HSPA5: variants seen among roughly 807,000 people sequenced by gnomAD.
HSPA5 encodes the protein heat shock protein family A (Hsp70) member 5.
Under a neutral mutation model 49.5 loss-of-function variants are expected in HSPA5, and 16 were observed. The observed-to-expected ratio is 0.32, with a 90% CI of 0.22 to 0.49. The LOEUF is 0.49. Among genes scored for constraint, HSPA5 ranks in the 20% least tolerant of loss-of-function variants. HSPA5 has a pLI of 0.99. For synonymous variants in HSPA5, 271 were observed against 307.2 expected (o/e 0.88, Z 1.23); for missense variants, 376 against 819.0 (o/e 0.46, Z 6.60).
chr9:125,236,737 C>T lies in HSPA5; in HGVS notation c.1820G>A (p.Ser607Asn). 2.5e-6 allele frequency: 4 copies of T among 1,613,900 alleles called. No homozygotes were observed. The highest frequency in any genetic ancestry group is 3.4e-6 in the Non-Finnish European group (4 of 1,179,838). The change falls in exon 8 of 8, where the codon AGC (serine) becomes AAC (asparagine). Residue 607 changes from serine to asparagine, a missense_variant. By Grantham distance (46) the Ser-to-Asn change is conservative (BLOSUM62 1). Around this residue, in one of 8 missense-constraint regions of HSPA5, gnomAD observed 72 missense variants for 87.8 expected, o/e 0.82. Coordinates refer to ENST00000324460, the MANE Select transcript of HSPA5 (RefSeq NM_005347.5). ...GTCTTCAATGTCAGCATCTTGGTGG[C>T]TTTCCAGCCATTCAATCTTTTCTTC... The part of the protein sequence containing the change: ...AVEEKIEWLE[S>N]HQDADIEDFK...
At position 125,240,164 on chromosome 9, in the gene HSPA5, A is replaced by C; in HGVS notation, c.492+8T>G. 6.3e-7 allele frequency: 1 copy of C among 1,589,692 alleles called. No homozygotes were observed. On this transcript the variant is annotated splice_region_variant and intron_variant, in intron 3 of 7. Coordinates refer to ENST00000324460, the MANE Select transcript of HSPA5 (RefSeq NM_005347.5). The surrounding 1 kb of genome is among the most constrained non-coding windows in gnomAD (Gnocchi z 4.4). ...AAAAATACTTAACATTGTTCTAGAA[A>C]TATTTACCTTCTTTCCCAAATAAGC...
chr9:125,238,702 C>A lies in HSPA5; in HGVS notation c.1122G>T (p.Leu374=), dbSNP rs147872079. 1.2e-5 allele frequency: 20 copies of A among 1,614,046 alleles called. No individual in the cohort carries two copies. The highest frequency in any genetic ancestry group is 1.7e-5 in the Non-Finnish European group (20 of 1,180,042). ...GSTRIPKIQQ[L]VKEFFNGKEP... ...CCTTGCCATTGAAGAACTCTTTAACCAGTTGCTGAATCTTTGGAATTCGAG... is the reference window on the plus strand; with the variant it reads ...CCTTGCCATTGAAGAACTCTTTAACAAGTTGCTGAATCTTTGGAATTCGAG... The change falls in exon 6 of 8, where the codon CTG becomes CTT. Residue 374 remains leucine (L), a synonymous_variant. Transcript: ENST00000324460.
At position 125,240,715 on chromosome 9, in the gene HSPA5, G is replaced by C; in HGVS notation, c.315C>G (p.Asp105Glu). 6.2e-7 allele frequency: 1 copy of C among 1,614,158 alleles called. No individual in the cohort carries two copies. The highest frequency in any genetic ancestry group is 8.5e-7 in the Non-Finnish European group (1 of 1,180,012). The part of the protein sequence containing the change: ...AKRLIGRTWN[D>E]PSVQQDIKFL... ...ACTTGATGTCCTGCTGCACAGACGG[G>C]TCATTCCACGTGCGGCCGATGAGCC... The change falls in exon 2 of 8, where the codon GAC becomes GAG. Residue 105 changes from aspartate (D) to glutamate (E), a missense_variant. Physicochemically the swap from Asp to Glu is conservative, Grantham distance 45 (BLOSUM62 2). Coordinates refer to ENST00000324460, the MANE Select transcript of HSPA5 (RefSeq NM_005347.5). The surrounding 1 kb of genome is among the most constrained non-coding windows in gnomAD (Gnocchi z 4.4).
rs371834018 is a variant in HSPA5, at chr9:125,238,356, C to A, written c.1235-48G>T. On this transcript the variant is annotated intron_variant, in intron 6 of 7. Transcript: ENST00000324460. ...TTTTAATTCAAGTTCTCCCTATGAGCTATGTAAAGTTTATCTCTCTAACAT... is the reference window on the plus strand; with the variant it reads ...TTTTAATTCAAGTTCTCCCTATGAGATATGTAAAGTTTATCTCTCTAACAT... 1.4e-5 allele frequency: 21 copies of A among 1,520,146 alleles called. No homozygotes were observed. The Admixed American group carries it at 2.2e-4, about 16-fold the overall frequency. The allele number at this position is 1,520,146 out of a possible 1,614,324, so 94.2% of individuals were successfully genotyped here. A position where few individuals can be genotyped will look rare whatever the true frequency, so the allele number is the denominator to read the frequency against.
Position 125,238,671 on chromosome 9 carries a change from A to T in HSPA5, c.1153T>A (p.Ser385Thr). ...VKEFFNGKEPSRGINPDEAVA... is the reference protein window; with the variant it reads ...VKEFFNGKEPTRGINPDEAVA... ...GCTTCATCTGGGTTTATGCCACGGG[A>T]TGGTTCCTTGCCATTGAAGAACTCT... Residue 385 changes from serine to threonine, a missense_variant, in exon 6 of 8, where the codon TCC (serine) becomes ACC (threonine). By Grantham distance (58) the Ser-to-Thr change is moderately conservative. This residue lies in a region of HSPA5 where 89 missense variants were observed against 155.9 expected (regional missense o/e 0.57). Coordinates refer to ENST00000324460, the MANE Select transcript of HSPA5 (RefSeq NM_005347.5). 6.2e-7 allele frequency: 1 copy of T among 1,614,170 alleles called. No individual in the cohort carries two copies. The highest frequency in any genetic ancestry group is 8.5e-7 in the Non-Finnish European group (1 of 1,180,038).
chr9:125,238,725 G>T lies in HSPA5; in HGVS notation c.1099C>A (p.Arg367=), dbSNP rs1486778485. 1 of 1,613,934 alleles carries T rather than the reference G, an allele frequency of 6.2e-7. No homozygotes were observed. The highest frequency in any genetic ancestry group is 8.5e-7 in the Non-Finnish European group (1 of 1,180,012). The stretch of plus-strand genomic sequence containing the variant: ...ACCAGTTGCTGAATCTTTGGAATTC[G>T]AGTCGAGCCACCAACAAGAACAATT... ...DEIVLVGGST[R]IPKIQQLVKE... is the part of the protein sequence containing the mutation. The change falls in exon 6 of 8, where the codon CGA becomes AGA. Residue 367 remains arginine, a synonymous_variant. Coordinates refer to ENST00000324460, the MANE Select transcript of HSPA5 (RefSeq NM_005347.5).
In HSPA5 at chr9:125,239,724, A is replaced by T. The variant is rs589306; in HGVS notation, c.493-191T>A. 0.083 allele frequency among the ~76,000 whole-genome samples: 9,540 copies of T among 115,508 alleles called. 370 individuals carry two copies. Among genetic ancestry groups the T allele is most frequent in the East Asian group, 0.19 (790 of 4,244 alleles). The allele number at this position is 115,508 out of a possible 152,430, so 75.8% of individuals were successfully genotyped here. ...AGAAACCCTGTCTCTACTGAAAATTAAAAAAAAAAAAAAAAATTAGCCAGG... is the reference window on the plus strand; with the variant it reads ...AGAAACCCTGTCTCTACTGAAAATTTAAAAAAAAAAAAAAAATTAGCCAGG... On this transcript the variant is annotated intron_variant, in intron 3 of 7. Coordinates refer to ENST00000324460, the MANE Select transcript of HSPA5 (RefSeq NM_005347.5). The surrounding 1 kb of genome is among the most constrained non-coding windows in gnomAD (Gnocchi z 5.5).
chr9:125,239,055 CT>C lies in HSPA5; in HGVS notation c.881del (p.Lys294ArgfsTer29). 6.2e-7 allele frequency: 1 copy of C among 1,614,178 alleles called. No individual in the cohort carries two copies. Among genetic ancestry groups the C allele is most frequent in the Non-Finnish European group, 8.5e-7 (1 of 1,180,032 alleles). ...GCTGAGAAGACAGGGCCCGTTTGGC[CT>C]TTTCTACCTCGCGCCGGAGTTTCTG... ...AVQKLRREVEKAKRALSSQHQ... is the reference protein window; with the variant it reads ...AVQKLRREVEXAKRALSSQHQ... On this transcript the variant is annotated frameshift_variant, in exon 5 of 8. Coordinates refer to ENST00000324460, the MANE Select transcript of HSPA5 (RefSeq NM_005347.5). LOFTEE classifies it high-confidence loss of function. This position sits in a 1 kb window ranked among gnomAD's most constrained non-coding sequence, Gnocchi z 5.5.
rs1832468582 is a variant in HSPA5 at position 125,235,065 on chromosome 9, G to C, written c.*1527C>G. The C allele has an allele frequency of 6.6e-6, 1 of 152,124 alleles. No individual in the cohort carries two copies. Among genetic ancestry groups the C allele is most frequent in the South Asian group, 2.1e-4 (1 of 4,828 alleles). The allele number at this position is 152,124 out of a possible 1,614,324, so 9.4% of individuals were successfully genotyped here. On this transcript the variant is annotated 3_prime_UTR_variant, in exon 8 of 8. Transcript: ENST00000324460. Reference sequence around the variant, plus strand: ...GAGACCAGTATTCTGCTCAGGGTCTGCCCAAATGCTTTTCGGGCAGTGCAG... The same window carrying C: ...GAGACCAGTATTCTGCTCAGGGTCTCCCCAAATGCTTTTCGGGCAGTGCAG...
Position 125,240,512 on chromosome 9 carries a change from GCAACTGTC to G in HSPA5, c.354+156_354+163del, listed in dbSNP as rs1564208111. 4.6e-5 allele frequency among the ~76,000 whole-genome samples: 7 copies of G among 152,312 alleles called. No individual in the cohort carries two copies. The East Asian group carries it at 9.6e-4, about 21-fold the overall frequency. On this transcript the variant is annotated intron_variant, in intron 2 of 7. Coordinates refer to ENST00000324460, the MANE Select transcript of HSPA5 (RefSeq NM_005347.5). This position sits in a 1 kb window ranked among gnomAD's most constrained non-coding sequence, Gnocchi z 4.4. ...CTAAACTATCGTAGACAGTACGACA[GCAACTGTC>G]TTAAGTTTTGTAACATACTAATAGT... is the stretch of plus-strand genomic sequence containing the variant.
At position 125,241,122 on chromosome 9, in the gene HSPA5, T is replaced by A. The variant is rs373628096; in HGVS notation, c.5A>T (p.Lys2Met). ...CAGCATCGCGGCCACCAGGGAGAGC[T>A]TCATCTTGCCAGCCAGTTGGGCAGC... M[K>M]LSLVAAMLLL... is the part of the protein sequence containing the mutation. The change falls in exon 1 of 8, where the codon AAG becomes ATG. Residue 2 changes from lysine to methionine, a missense_variant. Around this residue, in one of 8 missense-constraint regions of HSPA5, gnomAD observed 29 missense variants for 38.7 expected, o/e 0.75. Transcript: ENST00000324460. 5.0e-6 allele frequency: 8 copies of A among 1,610,984 alleles called. No homozygotes were observed. The highest frequency in any genetic ancestry group is 6.8e-6 in the Non-Finnish European group (8 of 1,179,016).
At position 125,239,420 on chromosome 9, in the gene HSPA5, C is replaced by A. The variant is rs780452886; in HGVS notation, c.605+1G>T. 6.2e-7 allele frequency: 1 copy of A among 1,613,876 alleles called. No homozygotes were observed. On this transcript the variant is annotated splice_donor_variant, in intron 4 of 7. Transcript: ENST00000324460. LOFTEE classifies it high-confidence loss of function. The surrounding 1 kb of genome is among the most constrained non-coding windows in gnomAD (Gnocchi z 5.5). ...GCCGTATCCCTGAATTTCATACTTA[C>A]GGCTCGTTGATGATCCTCATAACAT...
At chr9:125,237,858 T>C (rs1465554746) in intron 7 of HSPA5, among the ~76,000 whole-genome samples, 1 of 151,958 alleles carries the variant, frequency 6.6e-6, no homozygotes, top group Non-Finnish European at 1.5e-5. Flanking sequence ...TCCCAGCACT[T>C]TGGGAGGTGG....
rs771996571 is a variant in HSPA5, at chr9:125,240,634, A to G, written c.354+42T>C. 6.6e-7 allele frequency: 1 copy of G among 1,517,894 alleles called. No individual in the cohort carries two copies. The highest frequency in any genetic ancestry group is 9.1e-7 in the Non-Finnish European group (1 of 1,094,236). The allele number at this position is 1,517,894 out of a possible 1,614,324, so 94.0% of individuals were successfully genotyped here. A position where few individuals can be genotyped will look rare whatever the true frequency, so the allele number is the denominator to read the frequency against. On this transcript the variant is annotated intron_variant, in intron 2 of 7. Transcript: ENST00000324460. The surrounding 1 kb of genome is among the most constrained non-coding windows in gnomAD (Gnocchi z 4.4). ...ACTTATAACTCTAAATACTCCCACC[A>G]CCCACCCGTTCTCTAACTGGATGAG...
At position 125,240,815 on chromosome 9, in the gene HSPA5, C is replaced by T; in HGVS notation, c.215G>A (p.Gly72Glu). 1 of 1,614,256 alleles carries T rather than the reference C, an allele frequency of 6.2e-7. No individual in the cohort carries two copies. The highest frequency in any genetic ancestry group is 8.5e-7 in the Non-Finnish European group (1 of 1,180,044). Residue 72 changes from glycine to glutamate, a missense_variant, in exon 2 of 8, where the codon GGG becomes GAG. Physicochemically the swap from Gly to Glu is moderately conservative, Grantham distance 98. Coordinates refer to ENST00000324460, the MANE Select transcript of HSPA5 (RefSeq NM_005347.5). This position sits in a 1 kb window ranked among gnomAD's most constrained non-coding sequence, Gnocchi z 4.4. ...TPSYVAFTPEGERLIGDAAKN... is the reference protein window; with the variant it reads ...TPSYVAFTPEEERLIGDAAKN... ...GGCGGCATCGCCAATCAGACGTTCC[C>T]CTTCAGGAGTGAAGGCGACATAGGA...
rs1289708066 is a variant in HSPA5 at position 125,236,508 on chromosome 9, C to T, written c.*84G>A. 4.1e-6 allele frequency: 4 copies of T among 971,900 alleles called. No homozygotes were observed. The highest frequency in any genetic ancestry group is 3.4e-5 in the South Asian group (2 of 58,400). 60.2% of individuals were successfully genotyped at this position (971,900 alleles called of 1,614,324 possible). A position where few individuals can be genotyped will look rare whatever the true frequency, so the allele number is the denominator to read the frequency against. On this transcript the variant is annotated 3_prime_UTR_variant, in exon 8 of 8. Coordinates refer to ENST00000324460, the MANE Select transcript of HSPA5 (RefSeq NM_005347.5). ...CTGAGGTGAAGATTCCAATTACATTCGAGACTTAAGTTCTTTCAATTTTTT... is the reference window on the plus strand; with the variant it reads ...CTGAGGTGAAGATTCCAATTACATTTGAGACTTAAGTTCTTTCAATTTTTT...
chr9:125,240,377 C>A lies in HSPA5; in HGVS notation c.355-68G>T, dbSNP rs1044615054. ...ATCTCAAAGTTTAAAAGACCCACTA[C>A]CATCCCCACAATTTGGTTTATTTTG... On this transcript the variant is annotated intron_variant, in intron 2 of 7. Transcript: ENST00000324460. The surrounding 1 kb of genome is among the most constrained non-coding windows in gnomAD (Gnocchi z 4.4). 5 of 1,398,130 alleles carry A rather than the reference C, an allele frequency of 3.6e-6. No homozygotes were observed. Among genetic ancestry groups the A allele is most frequent in the Non-Finnish European group, 4.9e-6 (5 of 1,014,030 alleles). 86.6% of individuals were successfully genotyped at this position (1,398,130 alleles called of 1,614,324 possible).
chr9:125,238,405 T>C, intron 6 of HSPA5, 97 bp from the exon 7 acceptor site: 1 of 1,149,808 alleles, frequency 8.7e-7, no homozygotes. Context: ...AACACACACA[T>C]TTTAAAGGCA....
At position 125,241,093 on chromosome 9, in the gene HSPA5, G is replaced by A; in HGVS notation, c.34C>T (p.Leu12=). ...KLSLVAAMLL[L]LSAARAEEED... is the part of the protein sequence containing the mutation. ...TCCTCGGCCCGCGCCGCGCTGAGCAGCAGCAGCATCGCGGCCACCAGGGAG... is the reference window on the plus strand; with the variant it reads ...TCCTCGGCCCGCGCCGCGCTGAGCAACAGCAGCATCGCGGCCACCAGGGAG... Residue 12 remains leucine, a synonymous_variant, in exon 1 of 8, where the codon CTG becomes TTG. Coordinates refer to ENST00000324460, the MANE Select transcript of HSPA5 (RefSeq NM_005347.5). 1 of 1,613,412 alleles carries A rather than the reference G, an allele frequency of 6.2e-7. No homozygotes were observed.
Sources: allele counts gnomAD v4.1 joint callset (sites outside exome capture counted in the v4.1 genomes callset), GRCh38; gene constraint gnomAD v4.1.1; regional missense constraint gnomAD v4.1.1; non-coding constraint Gnocchi (gnomAD v3.1); transcripts MANE v1.5; gene names NCBI Gene and HGNC (gene_info 2026-07-23, HGNC 2026-07-21).